GNAL: variants seen among roughly 807,000 people sequenced by gnomAD.
GNAL encodes the protein guanine nucleotide-binding protein G(olf) subunit alpha.
A neutral mutation model predicts 55.1 loss-of-function variants in GNAL; 18 were observed. The ratio of observed to expected loss-of-function variants is 0.33; its 90% CI spans 0.23 to 0.48. The LOEUF (loss-of-function observed/expected upper bound fraction) is 0.48. Ranked by LOEUF, GNAL falls within the 20% of genes least tolerant of loss-of-function variation. The probability of loss-of-function intolerance (pLI) is 0.99; values close to 1 mark genes in which losing one functional copy is unlikely to be tolerated. For synonymous variants in GNAL, 253 were observed against 237.0 expected, an observed-to-expected ratio of 1.07 and a Z score of -0.62; for missense variants, 412 against 614.1, an observed-to-expected ratio of 0.67 and a Z score of 3.48.
intron 1 of GNAL, among the ~76,000 whole-genome samples, chr18:11,716,245 G>A (rs377688761): frequency 9.8e-5 from 15 of 152,288 alleles, no homozygotes; most frequent in East Asian, 7.7e-4. Context: ...GGACCCTCGC[G>A]GTGAGTGTTA....
chr18:11,846,479 A>ACACACC (rs2035743133), intron 5 of GNAL, among the ~76,000 whole-genome samples: 1 of 149,696 alleles, frequency 6.7e-6, no homozygotes, highest in Non-Finnish European at 1.5e-5. Context: ...ACACACACAC[A>ACACACC]CACACACACA....
intron 4 of GNAL, among the ~76,000 whole-genome samples, chr18:11,785,778 G>A (rs1156660981): frequency 1.3e-5 from 2 of 152,048 alleles, no homozygotes; most frequent in African/African-American, 2.4e-5. Flanking sequence ...TCCTGCGAAC[G>A]TCAGCGATGG....
intron 4 of GNAL, among the ~76,000 whole-genome samples, chr18:11,755,623 T>C (rs1380560677): frequency 6.6e-6 from 1 of 152,204 alleles, no homozygotes; most frequent in Admixed American, 6.5e-5. Flanking sequence ...TAATATGATT[T>C]TTGCTTCTGA....
At chr18:11,802,287 A>G (rs2034541815) in intron 4 of GNAL, among the ~76,000 whole-genome samples, 1 of 152,156 alleles carries the variant, frequency 6.6e-6, no homozygotes, top group African/African-American at 2.4e-5. Context: ...GAGTTCCTCA[A>G]GTCATGGACA....
chr18:11,708,080 G>A (rs2031755427), intron 1 of GNAL, among the ~76,000 whole-genome samples: 1 of 152,156 alleles, frequency 6.6e-6, no homozygotes, highest in Non-Finnish European at 1.5e-5. Flanking sequence ...TCTCGTTAGT[G>A]TGTTCACTGG....
At chr18:11,776,269 A>C (rs1165175443) in intron 4 of GNAL, among the ~76,000 whole-genome samples, 1 of 152,228 alleles carries the variant, frequency 6.6e-6, no homozygotes, top group African/African-American at 2.4e-5. Context: ...GATAACAACA[A>C]GATTTCAACT....
Position 11,884,570 on chromosome 18 carries a change from C to T in GNAL, c.*3435C>T. 5 of 1,614,060 alleles carry T rather than the reference C, an allele frequency of 3.1e-6. No homozygotes were observed. Among genetic ancestry groups the T allele is most frequent in the Non-Finnish European group, 3.4e-6 (4 of 1,180,050 alleles). On this transcript the variant is annotated 3_prime_UTR_variant, in exon 12 of 12. Coordinates refer to ENST00000334049, the MANE Select transcript of GNAL (RefSeq NM_182978.4). Reference sequence around the variant, plus strand: ...ACTCCACAGTAGATGATCAAAACCACATCCTCACGTGGGAGGTAGCACTTG... The same window carrying T: ...ACTCCACAGTAGATGATCAAAACCATATCCTCACGTGGGAGGTAGCACTTG...
intron 1 of GNAL, among the ~76,000 whole-genome samples, chr18:11,704,180 C>G (rs2031649380): frequency 6.6e-6 from 1 of 152,212 alleles, no homozygotes; most frequent in South Asian, 2.1e-4. Context: ...TCACAGCCTT[C>G]TGCACTCCCT....
At chr18:11,808,916 T>C (rs2034734958) in intron 4 of GNAL, among the ~76,000 whole-genome samples, 1 of 152,230 alleles carries the variant, frequency 6.6e-6, no homozygotes, top group Non-Finnish European at 1.5e-5. Flanking sequence ...CCACATATTG[T>C]GTGACTCCAT....
At chr18:11,738,196 G>A (rs1245474908) in intron 1 of GNAL, among the ~76,000 whole-genome samples, 8 of 152,136 alleles carry the variant, frequency 5.3e-5, no homozygotes, top group Non-Finnish European at 1.0e-4. Context: ...CTCCCAACAT[G>A]AGCTTAGCCT....
At chr18:11,834,974 C>T (rs62097374) in intron 5 of GNAL, among the ~76,000 whole-genome samples, 4,274 of 152,268 alleles carry the variant, frequency 0.028, 101 homozygotes, top group Non-Finnish European at 0.046. Context: ...TCGCTTCTAC[C>T]GTAAGACTAT....
chr18:11,703,795 G>GCACACACACACACACA lies in GNAL; in HGVS notation c.376+13881_376+13896dup, dbSNP rs35455680. 3.9e-3 allele frequency among the ~76,000 whole-genome samples: 546 copies of GCACACACACACACACA among 141,476 alleles called. 3 individuals are homozygous for GCACACACACACACACA. The highest frequency in any genetic ancestry group is 7.1e-3 in the Middle Eastern group (2 of 282). The allele number at this position is 141,476 out of a possible 152,430, so 92.8% of individuals were successfully genotyped here. A position where few individuals can be genotyped will look rare whatever the true frequency, so the allele number is the denominator to read the frequency against. On this transcript the variant is annotated intron_variant, in intron 1 of 11. Transcript: ENST00000334049. ...GGGATAGGAGGCCCAGTGTTGATGG[G>GCACACACACACACACA]CACACACACACACACACACACACAC... is the stretch of plus-strand genomic sequence containing the variant.
rs1031562665 is a variant in GNAL at position 11,881,359 on chromosome 18, C to G, written c.*224C>G. 6.7e-6 allele frequency: 3 copies of G among 450,608 alleles called. No homozygotes were observed. Among genetic ancestry groups the G allele is most frequent in the Non-Finnish European group, 1.2e-5 (3 of 247,956 alleles). The allele number at this position is 450,608 out of a possible 1,614,324, so 27.9% of individuals were successfully genotyped here. On this transcript the variant is annotated 3_prime_UTR_variant, in exon 12 of 12. Coordinates refer to ENST00000334049, the MANE Select transcript of GNAL (RefSeq NM_182978.4). The surrounding 1 kb of genome is among the most constrained non-coding windows in gnomAD (Gnocchi z 4.8). Reference sequence around the variant, plus strand: ...CAGCATCCCACCCCCAAACCACCGACTCTCATTGCCGACACTGCAGCAGAA... The same window carrying G: ...CAGCATCCCACCCCCAAACCACCGAGTCTCATTGCCGACACTGCAGCAGAA...
At chr18:11,852,756 A>G (rs1269687021) in intron 5 of GNAL, 1 of 166,784 alleles carries the variant, frequency 6.0e-6, no homozygotes, top group Non-Finnish European at 1.5e-5. Flanking sequence ...TACATTCTAT[A>G]AATTTTTCAC....
intron 11 of GNAL, among the ~76,000 whole-genome samples, chr18:11,879,867 A>AC (rs2036621970): frequency 6.6e-6 from 1 of 151,646 alleles, no homozygotes; most frequent in Non-Finnish European, 1.5e-5. Context: ...ACCAGGGGAC[A>AC]CCCTGCTTAG....
rs73403359 is a variant in GNAL, at chr18:11,881,236, C to T, written c.*101C>T. The stretch of plus-strand genomic sequence containing the variant: ...AGAGTCTCTAGTTCCATCTCGCTGC[C>T]GTCTGTCCCGTTCTGTGTCGACCAC... On this transcript the variant is annotated 3_prime_UTR_variant, in exon 12 of 12. Coordinates refer to ENST00000334049, the MANE Select transcript of GNAL (RefSeq NM_182978.4). The surrounding 1 kb of genome is among the most constrained non-coding windows in gnomAD (Gnocchi z 4.8). 3.2e-4 allele frequency: 382 copies of T among 1,193,448 alleles called. 1 individual carries two copies. The African/African-American group carries it at 4.1e-3, about 13-fold the overall frequency. 73.9% of individuals were successfully genotyped at this position (1,193,448 alleles called of 1,614,324 possible).
chr18:11,740,702 GC>G (rs1190560474), intron 1 of GNAL, among the ~76,000 whole-genome samples: 2 of 152,050 alleles, frequency 1.3e-5, no homozygotes, highest in Non-Finnish European at 2.9e-5. Flanking sequence ...TTCTTCATTT[GC>G]TCAACCATAC....
Position 11,752,397 on chromosome 18 carries a change from A to G in GNAL, c.377-456A>G, listed in dbSNP as rs200432169. 133 of 1,581,136 alleles carry G rather than the reference A, an allele frequency of 8.4e-5. No homozygotes were observed. The East Asian group carries it at 2.5e-3, about 30-fold the overall frequency. ...CAACTCTCTATTGCTTTTTGCGCACATTCCTAACTTCCTGACGTCCATCCC... is the reference window on the plus strand; with the variant it reads ...CAACTCTCTATTGCTTTTTGCGCACGTTCCTAACTTCCTGACGTCCATCCC... On this transcript the variant is annotated intron_variant, in intron 1 of 11. Transcript: ENST00000334049. The surrounding 1 kb of genome is among the most constrained non-coding windows in gnomAD (Gnocchi z 4.5).
At chr18:11,842,189 C>G (rs1466098956) in intron 5 of GNAL, among the ~76,000 whole-genome samples, 3 of 151,816 alleles carry the variant, frequency 2.0e-5, no homozygotes, top group African/African-American at 7.3e-5. Context: ...CCATGTTGGT[C>G]AGGCTGGTCT....
Sources: gnomAD v4.1 joint callset for allele counts (sites outside exome capture counted in the v4.1 genomes callset) on GRCh38, gnomAD v4.1.1 for gene constraint, Gnocchi (gnomAD v3.1) non-coding constraint, MANE v1.5 for transcripts, NCBI Gene and HGNC (gene_info 2026-07-23, HGNC 2026-07-21) for gene names.